Variants in BIVM observed in about 807,000 individuals in gnomAD.
The protein encoded by BIVM is basic immunoglobulin-like variable motif-containing protein.
Under a neutral mutation model 61.4 loss-of-function variants are expected in BIVM, and 31 were observed. The ratio of observed to expected loss-of-function variants is 0.51; its 90% CI spans 0.38 to 0.68. The LOEUF (loss-of-function observed/expected upper bound fraction) is 0.68. Among genes scored for constraint, BIVM ranks in the 30% least tolerant of loss-of-function variants. The pLI is 0.00. For missense variants in BIVM, 526 were observed against 596.0 expected (o/e 0.88, Z 1.22); for synonymous variants, 189 against 210.7 (o/e 0.90, Z 0.89).
Position 102,841,323 on chromosome 13 carries a change from T to C in BIVM, c.*1458T>C, listed in dbSNP as rs998638985. On this transcript the variant is annotated 3_prime_UTR_variant, in exon 11 of 11. Transcript: ENST00000257336. ...GATTTTTATTTTTAAAATATTTTCA[T>C]TTTTTTCTTGAATTTTATATCCGTT... 12 of 152,614 alleles carry C rather than the reference T, an allele frequency of 7.9e-5. No homozygotes were observed. Among genetic ancestry groups the C allele is most frequent in the African/African-American group, 2.9e-4 (12 of 41,450 alleles). 9.5% of individuals were successfully genotyped at this position (152,614 alleles called of 1,614,324 possible).
intron 9 of BIVM, 53 bp from the exon 10 acceptor site, chr13:102,838,590 T>G (rs750532255): frequency 6.8e-7 from 1 of 1,464,444 alleles, no homozygotes. Flanking sequence ...TCCATTGCAA[T>G]GATACTTTAG....
At chr13:102,806,083 A>G (rs1231268759) in intron 2 of BIVM, among the ~76,000 whole-genome samples, 1 of 152,160 alleles carries the variant, frequency 6.6e-6, no homozygotes, top group African/African-American at 2.4e-5. Context: ...CAACTGGACC[A>G]TTTTACATTT....
chr13:102,832,519 A>G (rs1881159936), intron 8 of BIVM, among the ~76,000 whole-genome samples: 1 of 152,234 alleles, frequency 6.6e-6, no homozygotes, highest in African/African-American at 2.4e-5. Context: ...TAATTTTTAC[A>G]TTTATTATAA....
intron 3 of BIVM, among the ~76,000 whole-genome samples, chr13:102,808,249 G>A (rs1954098928): frequency 6.6e-6 from 1 of 152,204 alleles, no homozygotes; most frequent in Non-Finnish European, 1.5e-5. Context: ...TACCGAGGTT[G>A]TGCATAACTT....
intron 1 of BIVM, among the ~76,000 whole-genome samples, chr13:102,799,991 A>C (rs1215118418): frequency 6.6e-6 from 1 of 152,142 alleles, no homozygotes; most frequent in Non-Finnish European, 1.5e-5. Flanking sequence ...GCCAGGAGTC[A>C]CGGGCTCACC....
At chr13:102,835,651 G>A (rs1881414964) in intron 9 of BIVM, among the ~76,000 whole-genome samples, 2 of 152,150 alleles carry the variant, frequency 1.3e-5, no homozygotes, top group Non-Finnish European at 2.9e-5. Flanking sequence ...TCCTGCCGTA[G>A]CCTCCTGAGT....
chr13:102,814,328 A>G (rs999400646), intron 3 of BIVM, among the ~76,000 whole-genome samples: 2 of 152,132 alleles, frequency 1.3e-5, no homozygotes, highest in African/African-American at 4.8e-5. Flanking sequence ...TGCCTGTGGG[A>G]CCAGCTCTTT....
At chr13:102,825,357 C>T (rs1880601563) in intron 7 of BIVM, among the ~76,000 whole-genome samples, 1 of 152,158 alleles carries the variant, frequency 6.6e-6, no homozygotes, top group South Asian at 2.1e-4. Flanking sequence ...CTCGGCCTCC[C>T]AAAGTGCTGG....
At chr13:102,818,144 T>A (rs1040415809) in intron 4 of BIVM, among the ~76,000 whole-genome samples, 1 of 152,160 alleles carries the variant, frequency 6.6e-6, no homozygotes, top group Non-Finnish European at 1.5e-5. Flanking sequence ...GTGAAGGGTC[T>A]TTGAAAGAAT....
At chr13:102,811,766 G>A (rs1408847725) in intron 3 of BIVM, among the ~76,000 whole-genome samples, 6 of 151,714 alleles carry the variant, frequency 4.0e-5, no homozygotes, top group African/African-American at 9.7e-5. Context: ...CAGGTCATCC[G>A]CCTGCCTCAG....
At chr13:102,810,868 A>G (rs1879448664) in intron 3 of BIVM, among the ~76,000 whole-genome samples, 1 of 152,186 alleles carries the variant, frequency 6.6e-6, no homozygotes, top group Non-Finnish European at 1.5e-5. Context: ...AGCTGGGACT[A>G]CAGGTGCACA....
intron 4 of BIVM, 111 bp from the exon 5 acceptor site, chr13:102,820,926 G>A (rs1043711751): frequency 5.4e-6 from 5 of 928,064 alleles, no homozygotes; most frequent in Admixed American, 2.5e-5. Flanking sequence ...ATTGACTTAG[G>A]GGATCAAAGT....
At chr13:102,801,304 A>G (rs1056504612) in intron 1 of BIVM, among the ~76,000 whole-genome samples, 7 of 151,178 alleles carry the variant, frequency 4.6e-5, no homozygotes, top group African/African-American at 1.2e-4. Context: ...CTGGAGTGCA[A>G]TGGTGCAACT....
At chr13:102,835,829 G>A (rs1439031607) in intron 9 of BIVM, among the ~76,000 whole-genome samples, 1 of 152,190 alleles carries the variant, frequency 6.6e-6, no homozygotes, top group Non-Finnish European at 1.5e-5. Context: ...CACCACGCCT[G>A]GCTGGGATTT....
chr13:102,825,824 T>C (rs965214583), intron 7 of BIVM, among the ~76,000 whole-genome samples: 1 of 152,188 alleles, frequency 6.6e-6, no homozygotes, highest in African/African-American at 2.4e-5. Context: ...GGCTTTTTCT[T>C]CTGCTTGCCA....
Position 102,841,106 on chromosome 13 carries a change from T to C in BIVM, c.*1241T>C, listed in dbSNP as rs181475383. 25 of 152,726 alleles carry C rather than the reference T, an allele frequency of 1.6e-4. 2 individuals are homozygous for C. The East Asian group carries it at 4.1e-3, about 25-fold the overall frequency. 9.5% of individuals were successfully genotyped at this position (152,726 alleles called of 1,614,324 possible). Reference sequence around the variant, plus strand: ...GTATTAAATATTTCAGAAGTGTGAATTTCATGTATTTGAGCTCCTCTAGTT... The same window carrying C: ...GTATTAAATATTTCAGAAGTGTGAACTTCATGTATTTGAGCTCCTCTAGTT... On this transcript the variant is annotated 3_prime_UTR_variant, in exon 11 of 11. Coordinates refer to ENST00000257336, the MANE Select transcript of BIVM (RefSeq NM_017693.4).
rs1328912208 is a variant in BIVM at position 102,841,208 on chromosome 13, T to G, written c.*1343T>G. The G allele has an allele frequency of 6.5e-6, 1 of 152,676 alleles. No individual in the cohort carries two copies. The highest frequency in any genetic ancestry group is 6.5e-5 in the Admixed American group (1 of 15,286). 9.5% of individuals were successfully genotyped at this position (152,676 alleles called of 1,614,324 possible). On this transcript the variant is annotated 3_prime_UTR_variant, in exon 11 of 11. Coordinates refer to ENST00000257336, the MANE Select transcript of BIVM (RefSeq NM_017693.4). ...CTCTTGTTCTTTAATTTTAGGGTCT[T>G]GTTCCAGGACTCAAATCAGTAACTT...
chr13:102,836,293 T>G (rs1311404443), intron 9 of BIVM, among the ~76,000 whole-genome samples: 1 of 152,174 alleles, frequency 6.6e-6, no homozygotes, highest in African/African-American at 2.4e-5. Context: ...TTTATAGATT[T>G]TATGTTTAGA....
chr13:102,819,635 G>A (rs1455267014), intron 4 of BIVM, among the ~76,000 whole-genome samples: 1 of 152,052 alleles, frequency 6.6e-6, no homozygotes, highest in East Asian at 1.9e-4. Flanking sequence ...AGAGTATCAG[G>A]AAAAATAGCT....
Sources: gnomAD v4.1 joint callset for allele counts (sites outside exome capture counted in the v4.1 genomes callset) on GRCh38, gnomAD v4.1.1 for gene constraint, MANE v1.5 for transcripts, NCBI Gene and HGNC (gene_info 2026-07-23, HGNC 2026-07-21) for gene names.